THBS4: variants seen among roughly 807,000 people sequenced by gnomAD.
THBS4 encodes thrombospondin-4.
Under a neutral mutation model 115.7 loss-of-function variants are expected in THBS4, and 90 were observed. The observed-to-expected ratio is 0.78, with a 90% CI of 0.66 to 0.93. The LOEUF (loss-of-function observed/expected upper bound fraction) is 0.93. THBS4 is among the 40% of genes least tolerant of loss of function. The probability of loss-of-function intolerance (pLI) is 0.00; values close to 1 mark genes in which losing one functional copy is unlikely to be tolerated. For synonymous variants in THBS4, 460 were observed against 479.3 expected (o/e 0.96, Z 0.53); for missense variants, 1,087 against 1,232.7 (o/e 0.88, Z 1.77).
chr5:80,028,502 A>C (rs953466075), intron 2 of THBS4, among the ~76,000 whole-genome samples: 4 of 151,966 alleles, frequency 2.6e-5, no homozygotes, highest in Admixed American at 2.6e-4. Flanking sequence ...TATGTCGCCC[A>C]GGATGGAATG....
upstream of THBS4, chr5:80,033,222 G>T (rs1832618957): frequency 6.7e-6 from 3 of 450,380 alleles, no homozygotes; most frequent in South Asian, 3.5e-5. Context: ...GGCTGATGGG[G>T]AACACACGTC....
At chr5:80,070,811 C>G in intron 12 of THBS4, 61 bp downstream of exon 12, 2 of 1,588,218 alleles carry the variant, frequency 1.3e-6, no homozygotes, top group East Asian at 2.2e-5. Context: ...GGGAGAAAGC[C>G]TGTGATGTCA....
At position 80,078,057 on chromosome 5, in the gene THBS4, G is replaced by C. The variant is rs374087095; in HGVS notation, c.2095G>C (p.Val699Leu). The change falls in exon 17 of 22, where the codon GTG (valine) becomes CTG (leucine). Residue 699 changes from valine to leucine, a missense_variant. Physicochemically the swap from Val to Leu is conservative, Grantham distance 32. Coordinates refer to ENST00000350881, the MANE Select transcript of THBS4 (RefSeq NM_003248.6). ...TTCTCCACCCCACTCAGGCGACGGAGTGGGAGACATCTGTGAGTCTGACTT... is the reference window on the plus strand; with the variant it reads ...TTCTCCACCCCACTCAGGCGACGGACTGGGAGACATCTGTGAGTCTGACTT... ...PAQEDSNSDG[V>L]GDICESDFDQ... The C allele has an allele frequency of 1.9e-6, 3 of 1,587,266 alleles. No individual in the cohort carries two copies. Among genetic ancestry groups the C allele is most frequent in the Non-Finnish European group, 2.6e-6 (3 of 1,162,042 alleles).
chr5:80,000,519 TC>T (rs758355601), intron 2 of THBS4, among the ~76,000 whole-genome samples: 163 of 152,296 alleles, frequency 1.1e-3, no homozygotes, highest in Non-Finnish European at 1.6e-3. Context: ...TCCTAATATG[TC>T]ATGCCTTCTG....
chr5:80,082,545 G>A lies in THBS4; in HGVS notation c.2824G>A (p.Asp942Asn), dbSNP rs773059464. The A allele has an allele frequency of 1.2e-6, 2 of 1,614,102 alleles. No individual in the cohort carries two copies. The highest frequency in any genetic ancestry group is 2.2e-5 in the East Asian group (1 of 44,870). ...GTCCAACCTCAAGTATCGCTGCAATGGTAATGTGCATTCTCGTTACTGTTC... is the reference window on the plus strand; with the variant it reads ...GTCCAACCTCAAGTATCGCTGCAATAGTAATGTGCATTCTCGTTACTGTTC... ...IWSNLKYRCN[D>N]TIPEDFQEFQ... The change falls in exon 21 of 22, where the codon GAC (aspartate) becomes AAC (asparagine). Residue 942 changes from aspartate to asparagine, a missense_variant and splice_region_variant. Around this residue, in one of 3 missense-constraint regions of THBS4, gnomAD observed 103 missense variants for 108.2 expected, o/e 0.95. Transcript: ENST00000350881.
intron 3 of THBS4, among the ~76,000 whole-genome samples, chr5:80,057,472 G>C (rs1281815706): frequency 6.6e-6 from 1 of 152,182 alleles, no homozygotes; most frequent in Non-Finnish European, 1.5e-5. Flanking sequence ...ATAGTCTGAT[G>C]TCCAATACAA....
upstream of THBS4, among the ~76,000 whole-genome samples, chr5:80,035,101 A>G (rs915620693): frequency 3.3e-5 from 5 of 151,092 alleles, no homozygotes; most frequent in Non-Finnish European, 5.9e-5. This position sits in a 1 kb window ranked among gnomAD's most constrained non-coding sequence, Gnocchi z 4.6. Flanking sequence ...CTTTCTCTCC[A>G]GCCCCGACTG....
intron 1 of THBS4, among the ~76,000 whole-genome samples, chr5:79,992,686 G>A (rs1329700389): frequency 6.6e-6 from 1 of 152,146 alleles, no homozygotes; most frequent in Non-Finnish European, 1.5e-5. Flanking sequence ...TATAAAACAT[G>A]AATTCTGTCC....
chr5:80,028,527 C>T (rs1415321422), intron 2 of THBS4, among the ~76,000 whole-genome samples: 5 of 150,752 alleles, frequency 3.3e-5, no homozygotes, highest in South Asian at 2.1e-4. Context: ...GGTGTGATCT[C>T]GGCTCACTGC....
intron 15 of THBS4, among the ~76,000 whole-genome samples, chr5:80,074,864 C>T (rs1743117850): frequency 6.6e-6 from 1 of 152,134 alleles, no homozygotes; most frequent in Non-Finnish European, 1.5e-5. Flanking sequence ...CCACCTGCCT[C>T]ATCCTCCCAA....
chr5:80,080,770 A>AGAGAT lies in THBS4; in HGVS notation c.2684+695_2684+699dup, dbSNP rs561370524. Among the ~76,000 whole-genome samples the AGAGAT allele has an allele frequency of 1.7e-3, 252 of 151,838 alleles. 1 individual carries two copies. Among genetic ancestry groups the AGAGAT allele is most frequent in the African/African-American group, 5.8e-3 (242 of 41,416 alleles). ...CCAGGCTAATTTTTGTATTTTTAGTAGAGATGGGGTTTCACCATGCTGGCC... is the reference window on the plus strand; with the variant it reads ...CCAGGCTAATTTTTGTATTTTTAGTAGAGATGAGATGGGGTTTCACCATGCTGGCC... On this transcript the variant is annotated intron_variant, in intron 20 of 21. Transcript: ENST00000350881.
intron 20 of THBS4, chr5:80,082,167 A>G (rs773207450): frequency 2.5e-5 from 11 of 436,760 alleles, no homozygotes; most frequent in Non-Finnish European, 4.4e-5. Context: ...TTGGGAAGAA[A>G]CACCCCCCAC....
At chr5:80,002,750 A>G (rs1467915615) in intron 2 of THBS4, among the ~76,000 whole-genome samples, 1 of 119,540 alleles carries the variant, frequency 8.4e-6, no homozygotes, top group Non-Finnish European at 2.0e-5. Flanking sequence ...AGGGAGAAAA[A>G]AAAAAAAAAA....
At chr5:80,070,236 G>A (rs1833984384) in intron 10 of THBS4, 70 bp from the exon 11 acceptor site, 1 of 1,330,084 alleles carries the variant, frequency 7.5e-7, no homozygotes. Flanking sequence ...GGAGCAGAGA[G>A]GCCCTTGTCA....
At chr5:80,082,609 T>A in intron 21 of THBS4, 64 bp downstream of exon 21, 1 of 1,587,366 alleles carries the variant, frequency 6.3e-7, no homozygotes, top group Non-Finnish European at 8.6e-7. Context: ...TGCCACCTTA[T>A]TTTTATACCG....
chr5:80,073,105 T>A (rs1038099183), intron 14 of THBS4, among the ~76,000 whole-genome samples, 170 bp from the exon 15 acceptor site: 4 of 152,182 alleles, frequency 2.6e-5, no homozygotes, highest in Admixed American at 1.3e-4. Context: ...TTTTGAAAAT[T>A]CAGCATTGTG....
At chr5:80,079,864 C>T in intron 19 of THBS4, 41 bp from the exon 20 acceptor site, 1 of 1,597,442 alleles carries the variant, frequency 6.3e-7, no homozygotes, top group Non-Finnish European at 8.6e-7. Flanking sequence ...AAGGGTGGTG[C>T]CTGTGTCCTG....
At chr5:80,021,295 G>C (rs1405721207) in intron 2 of THBS4, among the ~76,000 whole-genome samples, 1 of 152,152 alleles carries the variant, frequency 6.6e-6, no homozygotes, top group African/African-American at 2.4e-5. Flanking sequence ...TGAAGAAGCA[G>C]ACTTGAGAAT....
chr5:80,077,129 C>A, intron 16 of THBS4, 81 bp downstream of exon 16: 1 of 1,328,400 alleles, frequency 7.5e-7, no homozygotes, highest in Non-Finnish European at 1.0e-6. Flanking sequence ...TCTCTCCAGG[C>A]ACCAACTCAG....
Sources: gnomAD v4.1 joint callset for allele counts (sites outside exome capture counted in the v4.1 genomes callset) on GRCh38, gnomAD v4.1.1 for gene constraint, gnomAD v4.1.1 regional missense constraint, Gnocchi (gnomAD v3.1) non-coding constraint, MANE v1.5 for transcripts, NCBI Gene and HGNC (gene_info 2026-07-23, HGNC 2026-07-21) for gene names.